The following RBFOX1 variants were observed in gnomAD, a reference collection of about 807,000 sequenced individuals.
The protein encoded by RBFOX1 is RNA binding fox-1 homolog 1, also known as RNA binding protein fox-1 homolog 1.
A neutral mutation model predicts 57.7 loss-of-function variants in RBFOX1; 8 were observed. That is an observed-to-expected ratio of 0.14 (90% confidence interval 0.08 to 0.25). The LOEUF is 0.25. RBFOX1 is among the 10% of genes least tolerant of loss of function. The probability of loss-of-function intolerance (pLI) is 1.00; values close to 1 mark genes in which losing one functional copy is unlikely to be tolerated. For missense variants in RBFOX1, 611 were observed against 548.5 expected, an observed-to-expected ratio of 1.11 and a Z score of -1.14; for synonymous variants, 326 against 222.4, an observed-to-expected ratio of 1.47 and a Z score of -4.15.
intron 3 of RBFOX1, among the ~76,000 whole-genome samples, chr16:6,881,692 C>T (rs1300909071): frequency 2.6e-5 from 4 of 152,144 alleles, no homozygotes; most frequent in South Asian, 2.1e-4. Context: ...AAGACTTCAA[C>T]GTCTTAACGT....
intron 3 of RBFOX1, among the ~76,000 whole-genome samples, chr16:6,987,396 G>A (rs992048475): frequency 6.7e-6 from 1 of 150,194 alleles, no homozygotes; most frequent in East Asian, 2.0e-4. Flanking sequence ...TCTGATTCCA[G>A]GCCCAGGTTA....
intron 4 of RBFOX1, among the ~76,000 whole-genome samples, chr16:7,173,772 C>A (rs1436853438): frequency 6.6e-6 from 1 of 152,192 alleles, no homozygotes; most frequent in African/African-American, 2.4e-5. Context: ...ACTTGCAGCA[C>A]AAAGCATCAT....
chr16:5,650,185 G>C lies in RBFOX1; in HGVS notation c.318+51224G>C, dbSNP rs143874199. Among the ~76,000 whole-genome samples the C allele has an allele frequency of 7.2e-3, 1,094 of 152,322 alleles. 11 individuals are homozygous for C. The highest frequency in any genetic ancestry group is 0.025 in the African/African-American group (1,029 of 41,574). ...CCAACTCCTGGTGAAATAGTCGTAAGACGAGGCTCTCAATCTTACCTGAGC... is the reference window on the plus strand; with the variant it reads ...CCAACTCCTGGTGAAATAGTCGTAACACGAGGCTCTCAATCTTACCTGAGC... On this transcript the variant is annotated intron_variant, in intron 3 of 19. Transcript: ENST00000641259.
intron 2 of RBFOX1, among the ~76,000 whole-genome samples, chr16:5,567,000 T>A (rs2046096551): frequency 6.6e-6 from 1 of 152,172 alleles, no homozygotes; most frequent in South Asian, 2.1e-4. Flanking sequence ...CCCTAACACA[T>A]TTCTGTTCTC....
At chr16:5,859,497 G>T (rs1031539613) in intron 3 of RBFOX1, among the ~76,000 whole-genome samples, 7 of 152,206 alleles carry the variant, frequency 4.6e-5, no homozygotes, top group Admixed American at 6.5e-5. Flanking sequence ...GACGTATAAA[G>T]ATCAGGCATT....
At chr16:5,339,993 G>A (rs1360917057) in intron 1 of RBFOX1, among the ~76,000 whole-genome samples, 2 of 152,292 alleles carry the variant, frequency 1.3e-5, no homozygotes, top group East Asian at 3.9e-4. Context: ...GGAATGAAGT[G>A]TACAAAAGTA....
intron 4 of RBFOX1, among the ~76,000 whole-genome samples, chr16:7,357,296 T>G (rs927024564): frequency 6.6e-6 from 1 of 151,990 alleles, no homozygotes; most frequent in Non-Finnish European, 1.5e-5. Context: ...AGGTTCTTGG[T>G]TATCATCATT....
intron 1 of RBFOX1, among the ~76,000 whole-genome samples, chr16:5,448,736 A>T (rs1490702891): frequency 6.6e-6 from 1 of 152,244 alleles, no homozygotes; most frequent in Non-Finnish European, 1.5e-5. Flanking sequence ...GTAATAAATT[A>T]GCTGAGCACA....
chr16:7,574,352 G>C (rs1314750626), intron 5 of RBFOX1, among the ~76,000 whole-genome samples: 3 of 152,208 alleles, frequency 2.0e-5, no homozygotes, highest in Non-Finnish European at 4.4e-5. Context: ...ATGTAAAGGG[G>C]AATTTATTAA....
intron 4 of RBFOX1, among the ~76,000 whole-genome samples, chr16:6,012,634 G>A (rs1383305750): frequency 6.6e-6 from 1 of 152,180 alleles, no homozygotes; most frequent in African/African-American, 2.4e-5. Context: ...ATGCAAAAAG[G>A]GGATGTGTCA....
chr16:5,579,623 C>T (rs937967168), intron 2 of RBFOX1, among the ~76,000 whole-genome samples: 1 of 152,214 alleles, frequency 6.6e-6, no homozygotes, highest in Non-Finnish European at 1.5e-5. Context: ...GGAGCTGCTC[C>T]TTCTGCCAAC....
intron 4 of RBFOX1, among the ~76,000 whole-genome samples, chr16:7,437,540 A>C (rs1483183964): frequency 1.3e-5 from 2 of 152,206 alleles, no homozygotes; most frequent in East Asian, 3.8e-4. Flanking sequence ...CATAATCAAC[A>C]TGGGAACGGA....
chr16:6,596,899 C>T (rs1284716740), intron 2 of RBFOX1, among the ~76,000 whole-genome samples: 1 of 152,144 alleles, frequency 6.6e-6, no homozygotes, highest in Non-Finnish European at 1.5e-5. Context: ...AATATACACA[C>T]CCTTGATACA....
At chr16:5,552,610 A>C (rs1219535504) in intron 2 of RBFOX1, among the ~76,000 whole-genome samples, 1 of 152,202 alleles carries the variant, frequency 6.6e-6, no homozygotes, top group Admixed American at 6.5e-5. Context: ...CAGCGTATGC[A>C]TCTTATTTGT....
rs147577595 is a variant in RBFOX1, at chr16:7,323,663, C to G, written c.28-194484C>G. 4.0e-3 allele frequency among the ~76,000 whole-genome samples: 609 copies of G among 152,290 alleles called. 5 individuals carry two copies. The highest frequency in any genetic ancestry group is 3.1e-3 in the Non-Finnish European group (208 of 68,030). On this transcript the variant is annotated intron_variant, in intron 4 of 15. Coordinates refer to ENST00000550418, the MANE Select transcript of RBFOX1 (RefSeq NM_018723.4). The stretch of plus-strand genomic sequence containing the variant: ...CTTGTTACTAATGTACTAGATGGAA[C>G]AGACTCTACTTCATAGGAATGAAGA...
chr16:5,579,846 G>T (rs537600980), intron 2 of RBFOX1, among the ~76,000 whole-genome samples: 1 of 150,786 alleles, frequency 6.6e-6, no homozygotes, highest in Non-Finnish European at 1.5e-5. Flanking sequence ...TGCAACCTCC[G>T]CCTCCCGGGT....
chr16:6,912,771 C>T (rs979757588), intron 3 of RBFOX1, among the ~76,000 whole-genome samples: 6 of 151,798 alleles, frequency 4.0e-5, no homozygotes, highest in African/African-American at 4.9e-5. Context: ...GCACATGCCA[C>T]CACACGTGCC....
At chr16:6,349,823 A>G (rs1013595134) in intron 2 of RBFOX1, among the ~76,000 whole-genome samples, 4 of 152,160 alleles carry the variant, frequency 2.6e-5, no homozygotes, top group African/African-American at 9.7e-5. Context: ...AGGAAAAATG[A>G]TTAATAAGAT....
chr16:7,190,577 G>T (rs1383702748), intron 4 of RBFOX1, among the ~76,000 whole-genome samples: 1 of 152,008 alleles, frequency 6.6e-6, no homozygotes, highest in Non-Finnish European at 1.5e-5. Flanking sequence ...AGTAGAGGAG[G>T]TTGCTAAGAG....
Sources: allele counts gnomAD v4.1 joint callset (sites outside exome capture counted in the v4.1 genomes callset), GRCh38; gene constraint gnomAD v4.1.1; transcripts MANE v1.5; gene names NCBI Gene and HGNC (gene_info 2026-07-23, HGNC 2026-07-21).